The following SYCE2 variants were observed in gnomAD, a reference collection of about 807,000 sequenced individuals.
SYCE2 encodes synaptonemal complex central element protein 2, also known as central element synaptonemal complex 1.
A neutral mutation model predicts 27.9 loss-of-function variants in SYCE2; 3 were observed. The observed-to-expected ratio is 0.11, with a 90% CI of 0.05 to 0.28. The LOEUF (loss-of-function observed/expected upper bound fraction) is 0.28. SYCE2 is among the 10% of genes least tolerant of loss of function. The pLI, the probability that SYCE2 is intolerant of heterozygous loss-of-function variation, is 1.00. For missense variants in SYCE2, 207 were observed against 263.5 expected, an observed-to-expected ratio of 0.79 and a Z score of 1.48; for synonymous variants, 85 against 100.7, an observed-to-expected ratio of 0.84 and a Z score of 0.93.
chr19:12,899,241 T>C lies in SYCE2; in HGVS notation c.*100A>G, dbSNP rs1246837367. Reference sequence around the variant, plus strand: ...TTTTGTTTTTTTCTGCCAAGATGCATTATAGAACCATGAAAAACAATTTCT... The same window carrying C: ...TTTTGTTTTTTTCTGCCAAGATGCACTATAGAACCATGAAAAACAATTTCT... On this transcript the variant is annotated 3_prime_UTR_variant, in exon 6 of 6. Transcript: ENST00000293695. 5 of 1,121,470 alleles carry C rather than the reference T, an allele frequency of 4.5e-6. No homozygotes were observed. Among genetic ancestry groups the C allele is most frequent in the Non-Finnish European group, 6.8e-6 (5 of 740,352 alleles). The allele number at this position is 1,121,470 out of a possible 1,614,324, so 69.5% of individuals were successfully genotyped here. A position where few individuals can be genotyped will look rare whatever the true frequency, so the allele number is the denominator to read the frequency against.
In SYCE2 at chr19:12,915,376, G is replaced by T. The variant is rs149180307; in HGVS notation, c.131+2846C>A. Among the ~76,000 whole-genome samples, 77 of 152,176 alleles carry T rather than the reference G, an allele frequency of 5.1e-4. 1 individual carries two copies. Among genetic ancestry groups the T allele is most frequent in the African/African-American group, 1.8e-3 (73 of 41,544 alleles). ...AGCACTTTGGGAGGCCGAGGCGGGC[G>T]GATCATGAGGTCAGGAGATTGAGAC... is the stretch of plus-strand genomic sequence containing the variant. On this transcript the variant is annotated intron_variant, in intron 2 of 5. Transcript: ENST00000293695.
intron 2 of SYCE2, among the ~76,000 whole-genome samples, chr19:12,910,959 G>A (rs1284296735): frequency 2.0e-5 from 3 of 152,062 alleles, no homozygotes; most frequent in East Asian, 1.9e-4. Flanking sequence ...TTACAGGCGT[G>A]AGCCACCGCA....
At position 12,904,504 on chromosome 19, in the gene SYCE2, G is replaced by T. The variant is rs754033193; in HGVS notation, c.294C>A (p.Ser98Arg). The T allele has an allele frequency of 3.1e-6, 5 of 1,613,888 alleles. No homozygotes were observed. In the East Asian group the frequency reaches 8.9e-5, roughly 29 times the overall value. ...DHALMTNFRN[S>R]LKTKVSDLTE... is the part of the protein sequence containing the mutation. ...TGGAGTCTGTCACCTTGGTCTTCAG[G>T]CTGTTCCTGAAGTTGGTCATGAGTG... The change falls in exon 3 of 6, where the codon AGC (serine) becomes AGA (arginine). Residue 98 changes from serine (S) to arginine (R), a missense_variant. Ser to Arg is a moderately radical substitution (Grantham distance 110). Coordinates refer to ENST00000293695, the MANE Select transcript of SYCE2 (RefSeq NM_001105578.2).
At chr19:12,901,033 G>C (rs889066279) in intron 3 of SYCE2, among the ~76,000 whole-genome samples, 5 of 152,244 alleles carry the variant, frequency 3.3e-5, no homozygotes, top group African/African-American at 9.6e-5. Context: ...GCCGGGCGAG[G>C]TGGCGGGCGC....
intron 2 of SYCE2, among the ~76,000 whole-genome samples, chr19:12,912,169 C>T (rs1971060119): frequency 6.7e-6 from 1 of 150,038 alleles, no homozygotes; most frequent in Admixed American, 6.6e-5. Context: ...AACTCCTGAC[C>T]TCGTGATCTG....
At chr19:12,912,644 G>A (rs968244964) in intron 2 of SYCE2, among the ~76,000 whole-genome samples, 5 of 152,102 alleles carry the variant, frequency 3.3e-5, no homozygotes, top group Admixed American at 1.3e-4. Flanking sequence ...AATTAAAATC[G>A]ATGAGAGCAC....
At chr19:12,915,931 A>G (rs1460601091) in intron 2 of SYCE2, among the ~76,000 whole-genome samples, 4 of 152,262 alleles carry the variant, frequency 2.6e-5, no homozygotes, top group Admixed American at 1.3e-4. Flanking sequence ...GGCTGCCCAC[A>G]GGGGAAAGGT....
At chr19:12,905,815 T>G (rs1406359485) in intron 2 of SYCE2, among the ~76,000 whole-genome samples, 2 of 152,126 alleles carry the variant, frequency 1.3e-5, no homozygotes, top group Non-Finnish European at 2.9e-5. Context: ...TTTTTAAAAT[T>G]TTTAAATAGA....
chr19:12,900,435 GC>G (rs750273433), intron 4 of SYCE2, 24 bp downstream of exon 4: 6 of 1,605,536 alleles, frequency 3.7e-6, no homozygotes, highest in South Asian at 1.1e-5. Context: ...CTCAGGCAGC[GC>G]CCCCCCTGTG....
intron 1 of SYCE2, among the ~76,000 whole-genome samples, chr19:12,918,930 G>A (rs537220552): frequency 1.6e-4 from 24 of 147,930 alleles, no homozygotes; most frequent in Admixed American, 1.6e-3. Context: ...CAGACTGGGC[G>A]ACAGAGTGAT....
chr19:12,899,535 C>A (rs772406272), intron 5 of SYCE2, 150 bp from the exon 6 acceptor site: 2 of 1,614,162 alleles, frequency 1.2e-6, no homozygotes, highest in East Asian at 2.2e-5. Flanking sequence ...TCACGGCCAG[C>A]AAGTGAGCCG....
In SYCE2 at chr19:12,909,794, G is replaced by A. The variant is rs1024343146; in HGVS notation, c.132-5128C>T. Among the ~76,000 whole-genome samples, 4 of 151,992 alleles carry A rather than the reference G, an allele frequency of 2.6e-5. No individual in the cohort carries two copies. In the South Asian group the frequency reaches 6.2e-4, roughly 24 times the overall value. ...TTGGTCAGGCTGGTCTCAAACTCCCGACCTCAGGTGATCCGCCCTCCTCGG... is the reference window on the plus strand; with the variant it reads ...TTGGTCAGGCTGGTCTCAAACTCCCAACCTCAGGTGATCCGCCCTCCTCGG... On this transcript the variant is annotated intron_variant, in intron 2 of 5. Coordinates refer to ENST00000293695, the MANE Select transcript of SYCE2 (RefSeq NM_001105578.2).
At chr19:12,899,883 C>T in intron 5 of SYCE2, 121 bp downstream of exon 5, 3 of 1,581,080 alleles carry the variant, frequency 1.9e-6, no homozygotes. Context: ...CACAGTGCGC[C>T]CTCCCTCCCT....
In SYCE2 at chr19:12,900,644, G is replaced by A. The variant is rs774850543; in HGVS notation, c.311C>T (p.Ser104Leu). Residue 104 changes from serine (S) to leucine (L), a missense_variant, in exon 4 of 6, where the codon TCG (serine) becomes TTG (leucine). Ser to Leu is a moderately radical substitution (Grantham distance 145, BLOSUM62 -2). Coordinates refer to ENST00000293695, the MANE Select transcript of SYCE2 (RefSeq NM_001105578.2). ...CTCCTCTAATTTCTCTGTCAGATCC[G>A]AAACCTGTTAAACAATAAGATGTGT... ...NFRNSLKTKVSDLTEKLEERI... is the reference protein window; with the variant it reads ...NFRNSLKTKVLDLTEKLEERI... The A allele has an allele frequency of 1.2e-6, 2 of 1,612,518 alleles. No homozygotes were observed. The highest frequency in any genetic ancestry group is 3.3e-5 in the Admixed American group (2 of 59,944).
intron 5 of SYCE2, 48 bp downstream of exon 5, chr19:12,899,956 A>G: frequency 6.2e-7 from 1 of 1,611,600 alleles, no homozygotes; most frequent in African/African-American, 1.3e-5. Context: ...GAAAATAAAG[A>G]CCTGCACATC....
At chr19:12,904,344 G>A (rs1970895222) in intron 3 of SYCE2, 148 bp downstream of exon 3, 1 of 895,270 alleles carries the variant, frequency 1.1e-6, no homozygotes, top group Admixed American at 2.5e-5. Flanking sequence ...GGGTTTATTG[G>A]GACGTAGCCC....
chr19:12,918,475 C>G (rs1971179262), intron 1 of SYCE2, 138 bp from the exon 2 acceptor site: 3 of 750,142 alleles, frequency 4.0e-6, no homozygotes, highest in Non-Finnish European at 6.7e-6. Context: ...ACGGGCAGGG[C>G]TGGGGCAGGT....
intron 2 of SYCE2, among the ~76,000 whole-genome samples, chr19:12,906,939 GA>G (rs1316217631): frequency 1.3e-5 from 2 of 152,064 alleles, no homozygotes; most frequent in Admixed American, 1.3e-4. Flanking sequence ...TAAAACAACT[GA>G]AAATTGTGGG....
At chr19:12,900,348 G>A in intron 4 of SYCE2, 112 bp downstream of exon 4, 1 of 1,236,838 alleles carries the variant, frequency 8.1e-7, no homozygotes, top group Admixed American at 2.6e-5. Flanking sequence ...TGCAGGGACT[G>A]TGGCCTGGCG....
Sources: gnomAD v4.1 joint callset for allele counts (sites outside exome capture counted in the v4.1 genomes callset) on GRCh38, gnomAD v4.1.1 for gene constraint, MANE v1.5 for transcripts, NCBI Gene and HGNC (gene_info 2026-07-23, HGNC 2026-07-21) for gene names.